The following SAC3D1 variants were observed in gnomAD, a reference collection of about 807,000 sequenced individuals.
SAC3D1 encodes SAC3 domain containing 1.
SAC3D1 carries 10 observed loss-of-function variants against 12.7 expected under a neutral mutation model. The observed-to-expected ratio is 0.79, with a 90% confidence interval of 0.49 to 1.34. The LOEUF (loss-of-function observed/expected upper bound fraction) is 1.34. Among genes scored for constraint, SAC3D1 ranks in the 40% most tolerant of loss-of-function variants. The pLI is 0.00. For missense variants in SAC3D1, 482 were observed against 531.1 expected, an observed-to-expected ratio of 0.91 and a Z score of 0.91; for synonymous variants, 241 against 250.8, an observed-to-expected ratio of 0.96 and a Z score of 0.37.
upstream of SAC3D1, chr11:65,041,174 G>C (rs764775966): frequency 1.0e-6 from 1 of 995,652 alleles, no homozygotes; most frequent in South Asian, 1.6e-5. Context: ...GGCGGGCCCA[G>C]ACAGGTTCAG....
chr11:65,042,137 G>A (rs896231297), intron 1 of SAC3D1, among the ~76,000 whole-genome samples: 6 of 151,804 alleles, frequency 4.0e-5, no homozygotes, highest in Non-Finnish European at 8.8e-5. Context: ...TCGCTCTGTC[G>A]CCCAGGCTGG....
Position 65,044,667 on chromosome 11 carries a change from G to C in SAC3D1, c.1017G>C (p.Glu339Asp), listed in dbSNP as rs764850620. 1 of 1,613,682 alleles carries C rather than the reference G, an allele frequency of 6.2e-7. No individual in the cohort carries two copies. The highest frequency in any genetic ancestry group is 1.3e-5 in the African/African-American group (1 of 74,934). ...VESKLRGRTLEEVVMAEEEDE... is the reference protein window; with the variant it reads ...VESKLRGRTLDEVVMAEEEDE... ...GCAAACTTCGAGGACGTACCCTGGAGGAGGTGGTCATGGCAGAGGAGGAAG... is the reference window on the plus strand; with the variant it reads ...GCAAACTTCGAGGACGTACCCTGGACGAGGTGGTCATGGCAGAGGAGGAAG... Residue 339 changes from glutamate (E) to aspartate (D), a missense_variant, in exon 2 of 2, where the codon GAG becomes GAC. By Grantham distance (45) the Glu-to-Asp change is conservative. Coordinates refer to ENST00000652489, the MANE Select transcript of SAC3D1 (RefSeq NM_013299.4). This position sits in a 1 kb window ranked among gnomAD's most constrained non-coding sequence, Gnocchi z 4.0.
intron 1 of SAC3D1, among the ~76,000 whole-genome samples, chr11:65,043,587 C>A (rs1015256106): frequency 5.0e-5 from 6 of 119,144 alleles, no homozygotes; most frequent in African/African-American, 1.9e-4. Flanking sequence ...CACTATACTT[C>A]AGCCTGGGTG....
chr11:65,042,363 G>A (rs1412139624), intron 1 of SAC3D1, among the ~76,000 whole-genome samples: 1 of 152,020 alleles, frequency 6.6e-6, no homozygotes, highest in East Asian at 1.9e-4. Flanking sequence ...ACAAAGTGCT[G>A]GGATTACAGG....
Position 65,041,481 on chromosome 11 carries a change from G to C in SAC3D1, c.189G>C (p.Arg63=). The C allele has an allele frequency of 6.8e-7, 1 of 1,474,086 alleles. No individual in the cohort carries two copies. The highest frequency in any genetic ancestry group is 8.9e-7 in the Non-Finnish European group (1 of 1,119,050). The allele number at this position is 1,474,086 out of a possible 1,614,324, so 91.3% of individuals were successfully genotyped here. ...GCCGACCCGCCGCCGGCAAGCCCCG[G>C]CCCCCGCCCAGCCAGTTGCGTCCGC... ...EYSRPAAGKP[R]PPPSQLRPPS... Residue 63 remains arginine, a synonymous_variant, in exon 1 of 2, where the codon CGG becomes CGC. Transcript: ENST00000652489.
chr11:65,040,985 G>A (rs1840430380), upstream of SAC3D1: 2 of 463,418 alleles, frequency 4.3e-6, no homozygotes, highest in Non-Finnish European at 3.8e-6. Flanking sequence ...ACTAAGGGGA[G>A]CGCGCGAAGC....
chr11:65,041,402 G>C lies in SAC3D1; in HGVS notation c.110G>C (p.Gly37Ala). ...CTGCACCGCTTGGAGGTGGTGCCGG[G>C]TTGCCGCCAGGACCCGCCCCGCGCG... ...HRLHRLEVVP[G>A]CRQDPPRADP... is the part of the protein sequence containing the mutation. Residue 37 changes from glycine to alanine, a missense_variant, in exon 1 of 2, where the codon GGT (glycine) becomes GCT (alanine). Physicochemically the swap from Gly to Ala is moderately conservative, Grantham distance 60. Transcript: ENST00000652489. 2.0e-6 allele frequency: 3 copies of C among 1,506,862 alleles called. No individual in the cohort carries two copies. Among genetic ancestry groups the C allele is most frequent in the Non-Finnish European group, 2.6e-6 (3 of 1,134,754 alleles). 93.3% of individuals were successfully genotyped at this position (1,506,862 alleles called of 1,614,324 possible).
Position 65,044,544 on chromosome 11 carries a change from G to C in SAC3D1, c.894G>C (p.Gly298=), listed in dbSNP as rs1946676355. The C allele has an allele frequency of 6.2e-7, 1 of 1,614,186 alleles. No individual in the cohort carries two copies. The highest frequency in any genetic ancestry group is 2.2e-5 in the East Asian group (1 of 44,888). The part of the protein sequence containing the change: ...REARDLCQAH[G]LPLDGEERVV... ...CACGGGACCTGTGCCAGGCCCACGG[G>C]CTGCCCTTGGACGGAGAGGAGAGAG... The change falls in exon 2 of 2, where the codon GGG becomes GGC. Residue 298 remains glycine (G), a synonymous_variant. Coordinates refer to ENST00000652489, the MANE Select transcript of SAC3D1 (RefSeq NM_013299.4). This position sits in a 1 kb window ranked among gnomAD's most constrained non-coding sequence, Gnocchi z 4.0.
chr11:65,041,083 G>C, upstream of SAC3D1: 1 of 601,434 alleles, frequency 1.7e-6, no homozygotes, highest in Non-Finnish European at 2.9e-6. Flanking sequence ...AGTGCATCTC[G>C]GGAGGCCAAC....
At chr11:65,041,942 G>A (rs549239743) in intron 1 of SAC3D1, 76 bp downstream of exon 1, 2 of 1,288,792 alleles carry the variant, frequency 1.6e-6, no homozygotes, top group Non-Finnish European at 2.0e-6. Context: ...GGGAAAGGAA[G>A]GATTAGCTTT....
Position 65,041,661 on chromosome 11 carries a change from T to G in SAC3D1, c.369T>G (p.Ala123=), listed in dbSNP as rs10792455. The change falls in exon 1 of 2, where the codon GCT becomes GCG. Residue 123 remains alanine (A), a synonymous_variant. Coordinates refer to ENST00000652489, the MANE Select transcript of SAC3D1 (RefSeq NM_013299.4). The part of the protein sequence containing the change: ...ALQGAGDAEA[A]VVLEAALATL... ...AGGGAGCGGGCGACGCCGAGGCAGC[T>G]GTGGTGCTGGAGGCGGCGCTGGCCA... 0.91 allele frequency: 1,298,856 copies of G among 1,432,924 alleles called. 590,046 individuals are homozygous for G. The highest frequency in any genetic ancestry group is 0.94 in the East Asian group (30,885 of 32,766). 88.8% of individuals were successfully genotyped at this position (1,432,924 alleles called of 1,614,324 possible).
chr11:65,043,083 A>G (rs1590749417), intron 1 of SAC3D1: 1 of 445,348 alleles, frequency 2.2e-6, no homozygotes, highest in South Asian at 1.6e-5. Context: ...CTCCTGCCCC[A>G]CCCTCCCAAG....
Position 65,044,766 on chromosome 11 carries a change from C to A in SAC3D1, c.*39C>A. 6.3e-7 allele frequency: 1 copy of A among 1,580,404 alleles called. No individual in the cohort carries two copies. The highest frequency in any genetic ancestry group is 1.8e-5 in the Admixed American group (1 of 55,434). On this transcript the variant is annotated 3_prime_UTR_variant, in exon 2 of 2. Transcript: ENST00000652489. This position sits in a 1 kb window ranked among gnomAD's most constrained non-coding sequence, Gnocchi z 4.0. ...GCCTCCCAGAGCCCCAGGACTGGGC[C>A]AGAGCACTTAGGTTTCTTTTTCCAT...
chr11:65,041,041 G>A, upstream of SAC3D1: 2 of 552,142 alleles, frequency 3.6e-6, no homozygotes, highest in Admixed American at 4.1e-5. Flanking sequence ...TAGAGCGCGC[G>A]GAGCCGCAGA....
Position 65,044,640 on chromosome 11 carries a change from G to A in SAC3D1, c.990G>A (p.Glu330=). Residue 330 remains glutamate (E), a synonymous_variant, in exon 2 of 2, where the codon GAG becomes GAA. Coordinates refer to ENST00000652489, the MANE Select transcript of SAC3D1 (RefSeq NM_013299.4). This position sits in a 1 kb window ranked among gnomAD's most constrained non-coding sequence, Gnocchi z 4.0. The stretch of plus-strand genomic sequence containing the variant: ...CCAGTACGTGCAAGGTGTTAGTGGA[G>A]AGCAAACTTCGAGGACGTACCCTGG... The part of the protein sequence containing the change: ...PPASTCKVLV[E]SKLRGRTLEE... 1 of 1,613,932 alleles carries A rather than the reference G, an allele frequency of 6.2e-7. No homozygotes were observed. Among genetic ancestry groups the A allele is most frequent in the Non-Finnish European group, 8.5e-7 (1 of 1,180,034 alleles).
In SAC3D1 at chr11:65,044,561, A is replaced by G. The variant is rs2136959783; in HGVS notation, c.911A>G (p.Glu304Gly). ...GCCCACGGGCTGCCCTTGGACGGAG[A>G]GGAGAGAGTTGTGTTCCTGAGGGGT... ...CQAHGLPLDG[E>G]ERVVFLRGRY... Residue 304 changes from glutamate (E) to glycine (G), a missense_variant, in exon 2 of 2, where the codon GAG becomes GGG. Physicochemically the swap from Glu to Gly is moderately conservative, Grantham distance 98. Transcript: ENST00000652489. This position sits in a 1 kb window ranked among gnomAD's most constrained non-coding sequence, Gnocchi z 4.0. The G allele has an allele frequency of 6.2e-7, 1 of 1,614,078 alleles. No homozygotes were observed. The highest frequency in any genetic ancestry group is 8.5e-7 in the Non-Finnish European group (1 of 1,180,016).
intron 1 of SAC3D1, among the ~76,000 whole-genome samples, chr11:65,042,264 A>G (rs963434149): frequency 1.3e-5 from 2 of 151,626 alleles, no homozygotes; most frequent in Non-Finnish European, 2.9e-5. Flanking sequence ...CACCCAGCTA[A>G]TTTTTGTATT....
In SAC3D1 at chr11:65,042,244, C is replaced by A. The variant is rs377217614; in HGVS notation, c.574+378C>A. 4.1e-4 allele frequency among the ~76,000 whole-genome samples: 63 copies of A among 151,836 alleles called. 2 individuals are homozygous for A. In the South Asian group the frequency reaches 0.013, roughly 31 times the overall value. On this transcript the variant is annotated intron_variant, in intron 1 of 1. Transcript: ENST00000652489. ...TCCTGAGTAGCTGGGATCACAGGCG[C>A]GCGCCACCACACCCAGCTAATTTTT...
At chr11:65,043,274 C>A (rs558815891) in intron 1 of SAC3D1, 2 of 187,564 alleles carry the variant, frequency 1.1e-5, no homozygotes, top group African/African-American at 4.8e-5. Flanking sequence ...CCATGATTTT[C>A]TTTTCTTTTA....
Sources: allele counts gnomAD v4.1 joint callset (sites outside exome capture counted in the v4.1 genomes callset), GRCh38; gene constraint gnomAD v4.1.1; non-coding constraint Gnocchi (gnomAD v3.1); transcripts MANE v1.5; gene names NCBI Gene and HGNC (gene_info 2026-07-23, HGNC 2026-07-21).